The following RHOBTB1 variants were observed in gnomAD, a reference collection of about 807,000 sequenced individuals.
RHOBTB1 encodes Rho related BTB domain containing 1.
Under a neutral mutation model 71.6 loss-of-function variants are expected in RHOBTB1, and 40 were observed. The observed-to-expected ratio is 0.56, with a 90% confidence interval of 0.43 to 0.73. RHOBTB1 has a LOEUF of 0.73. Among genes scored for constraint, RHOBTB1 ranks in the 30% least tolerant of loss-of-function variants. The pLI is 0.00. For missense variants in RHOBTB1, 797 were observed against 894.0 expected (o/e 0.89, Z 1.38); for synonymous variants, 319 against 334.9 (o/e 0.95, Z 0.52).
intron 6 of RHOBTB1, among the ~76,000 whole-genome samples, chr10:60,886,663 C>A (rs771631249): frequency 6.7e-6 from 1 of 150,158 alleles, no homozygotes; most frequent in African/African-American, 2.5e-5. Context: ...ATAATATGCT[C>A]TACTCGTATG....
intron 2 of RHOBTB1, among the ~76,000 whole-genome samples, chr10:60,933,769 A>T (rs529387061): frequency 6.6e-6 from 1 of 152,278 alleles, no homozygotes; most frequent in Admixed American, 6.5e-5. Flanking sequence ...TTAGAAGTCC[A>T]AACACAGGAG....
At chr10:60,961,909 A>G (rs549334302) in intron 2 of RHOBTB1, among the ~76,000 whole-genome samples, 2 of 151,336 alleles carry the variant, frequency 1.3e-5, no homozygotes, top group East Asian at 2.0e-4. Flanking sequence ...CTGGGTTCAA[A>G]TGATTCTCCT....
upstream of RHOBTB1, among the ~76,000 whole-genome samples, chr10:60,945,620 C>G (rs926946118): frequency 1.3e-5 from 2 of 152,212 alleles, no homozygotes; most frequent in African/African-American, 4.8e-5. Context: ...TCCTCACTTG[C>G]TTGTATTCTC....
chr10:60,887,076 A>T (rs760406726), intron 6 of RHOBTB1, among the ~76,000 whole-genome samples: 74 of 127,530 alleles, frequency 5.8e-4, no homozygotes, highest in African/African-American at 1.3e-3. Context: ...TCATAGCTTT[A>T]AAAAAAAAAA....
chr10:60,868,261 CATCT>C (rs796808611), downstream of RHOBTB1, among the ~76,000 whole-genome samples: 13 of 152,184 alleles, frequency 8.5e-5, no homozygotes, highest in South Asian at 2.1e-4. Context: ...CTGTATCTAT[CATCT>C]ATCTATCTGT....
At chr10:60,959,009 G>GTA (rs1333040687) in intron 2 of RHOBTB1, among the ~76,000 whole-genome samples, 5 of 152,084 alleles carry the variant, frequency 3.3e-5, no homozygotes, top group Admixed American at 3.3e-4. Context: ...CTGCCTCCCA[G>GTA]TATATACAAA....
chr10:60,960,652 T>C (rs1031913739), intron 2 of RHOBTB1, among the ~76,000 whole-genome samples: 1 of 152,206 alleles, frequency 6.6e-6, no homozygotes, highest in African/African-American at 2.4e-5. Context: ...CATCTGATGC[T>C]TTCTTATTTA....
intron 2 of RHOBTB1, among the ~76,000 whole-genome samples, chr10:60,958,143 G>C (rs2085657904): frequency 6.6e-6 from 1 of 152,114 alleles, no homozygotes; most frequent in Non-Finnish European, 1.5e-5. Flanking sequence ...GAAAAGTCAA[G>C]CACCTCTAAA....
At chr10:60,862,026 G>T in the RHOBTB1 span, among the ~76,000 whole-genome samples, 2 of 152,058 alleles carry the variant, frequency 1.3e-5, no homozygotes, top group African/African-American at 4.8e-5. Context: ...AGTCAGGTCG[G>T]GTTCTACATG....
rs1442078211 is a variant in RHOBTB1 at position 60,888,984 on chromosome 10, T to C, written c.684A>G (p.Leu228=). The C allele has an allele frequency of 7.4e-6, 12 of 1,614,148 alleles. No homozygotes were observed. The highest frequency in any genetic ancestry group is 1.0e-5 in the Non-Finnish European group (12 of 1,180,012). The part of the protein sequence containing the change: ...KSHLKKVQKP[L]LQAPFLPPKA... ...TTGGAGGTAGGAAGGGTGCCTGAAG[T>C]AAAGGTTTCTGGACTTTCTTTAGGT... Residue 228 remains leucine (L), a synonymous_variant, in exon 6 of 11, where the codon TTA becomes TTG. Coordinates refer to ENST00000337910, the MANE Select transcript of RHOBTB1 (RefSeq NM_014836.5).
intron 2 of RHOBTB1, among the ~76,000 whole-genome samples, chr10:60,966,361 A>G (rs1197181542): frequency 6.6e-6 from 1 of 151,836 alleles, no homozygotes; most frequent in East Asian, 1.9e-4. Flanking sequence ...GTAGTTGCAC[A>G]TAATTCTGAA....
In RHOBTB1 at chr10:60,940,004, TCACAACTAATCATGTTGATG is replaced by T. The variant is rs1430348994; in HGVS notation, c.-11+1780_-11+1799del. On this transcript the variant is annotated intron_variant, in intron 2 of 10. Coordinates refer to ENST00000337910, the MANE Select transcript of RHOBTB1 (RefSeq NM_014836.5). The stretch of plus-strand genomic sequence containing the variant: ...TTGATATTTTTATTATATACCATTA[TCACAACTAATCATGTTGATG>T]AGGTCTTGGCCTGTAATGGGATCTT... Among the ~76,000 whole-genome samples, 27 of 152,336 alleles carry T rather than the reference TCACAACTAATCATGTTGATG, an allele frequency of 1.8e-4. No homozygotes were observed. The South Asian group carries it at 2.1e-3, about 12-fold the overall frequency.
intron 5 of RHOBTB1, among the ~76,000 whole-genome samples, chr10:60,890,263 G>A (rs1206647437): frequency 6.6e-6 from 1 of 151,804 alleles, no homozygotes. Flanking sequence ...TGCTTGGACT[G>A]GTGCATTAGC....
At chr10:60,974,159 T>C (rs2086246072) in intron 2 of RHOBTB1, among the ~76,000 whole-genome samples, 1 of 152,066 alleles carries the variant, frequency 6.6e-6, no homozygotes, top group Admixed American at 6.6e-5. Flanking sequence ...TTAAGAGTGT[T>C]GTCACCCCTC....
chr10:60,915,362 G>A (rs923733877), intron 2 of RHOBTB1, among the ~76,000 whole-genome samples: 8 of 151,798 alleles, frequency 5.3e-5, no homozygotes, highest in Admixed American at 2.0e-4. Flanking sequence ...ATTAATAAAT[G>A]TCATCACTAT....
intron 5 of RHOBTB1, among the ~76,000 whole-genome samples, chr10:60,891,979 G>A (rs752062815): frequency 1.3e-5 from 2 of 152,226 alleles, no homozygotes; most frequent in African/African-American, 4.8e-5. Context: ...GCCTTTGCTC[G>A]GTTCTCATTC....
chr10:60,984,961 G>C (rs2086613303), intron 2 of RHOBTB1, among the ~76,000 whole-genome samples: 1 of 152,066 alleles, frequency 6.6e-6, no homozygotes, highest in Admixed American at 6.5e-5. Context: ...TCTCCTTAAG[G>C]ACTTCTACTT....
chr10:60,958,514 T>C (rs181732622), intron 2 of RHOBTB1, among the ~76,000 whole-genome samples: 53 of 150,774 alleles, frequency 3.5e-4, no homozygotes, highest in African/African-American at 1.3e-3. Flanking sequence ...TTCCAAAACA[T>C]TTTTTTTCAG....
At position 60,888,037 on chromosome 10, in the gene RHOBTB1, C is replaced by T. The variant is rs141244168; in HGVS notation, c.1456+175G>A. Among the ~76,000 whole-genome samples, 3 of 152,246 alleles carry T rather than the reference C, an allele frequency of 2.0e-5. No individual in the cohort carries two copies. The East Asian group carries it at 5.8e-4, about 29-fold the overall frequency. ...CAAAATGGAGACAATCATATTTAAC[C>T]TTTAAGTCTGATGAGGATTAAAGAA... On this transcript the variant is annotated intron_variant, in intron 6 of 10. Transcript: ENST00000337910.
Sources: allele counts gnomAD v4.1 joint callset (sites outside exome capture counted in the v4.1 genomes callset), GRCh38; gene constraint gnomAD v4.1.1; transcripts MANE v1.5; gene names NCBI Gene and HGNC (gene_info 2026-07-23, HGNC 2026-07-21).